TCEANC: variants seen among roughly 807,000 people sequenced by gnomAD.
The protein encoded by TCEANC is transcription elongation factor A N-terminal and central domain containing, also known as transcription elongation factor A N-terminal and central domain-containing protein.
Under a neutral mutation model 8.7 loss-of-function variants are expected in TCEANC, and 8 were observed. The ratio of observed to expected loss-of-function variants is 0.92; its 90% CI spans 0.54 to 1.65. The LOEUF (loss-of-function observed/expected upper bound fraction) is 1.65, where lower values mean the gene tolerates loss of function less well. Among genes scored for constraint, TCEANC ranks in the 40% most tolerant of loss-of-function variants. The pLI is 0.00. For synonymous variants in TCEANC, 78 were observed against 92.9 expected, an observed-to-expected ratio of 0.84 and a Z score of 0.92; for missense variants, 255 against 251.9, an observed-to-expected ratio of 1.01 and a Z score of -0.08.
intron 1 of TCEANC, among the ~76,000 whole-genome samples, chrX:13,655,995 G>A (rs1235448439): frequency 8.9e-6 from 1 of 112,634 alleles, no homozygotes; most frequent in East Asian, 2.8e-4. Context: ...AGGAAAATGA[G>A]GGAGTATCTT....
chrX:13,656,280 T>G (rs1195719640), intron 1 of TCEANC, among the ~76,000 whole-genome samples: 4 of 112,529 alleles, frequency 3.6e-5, no homozygotes, highest in Non-Finnish European at 5.6e-5. Context: ...AGAGACTGTC[T>G]CTTTAGGCTC....
At chrX:13,663,728 T>C in exon 2 of TCEANC, 1 of 487,579 alleles carries the variant, frequency 2.1e-6, no homozygotes, top group South Asian at 4.7e-5. Context: ...AAGTTACAGT[T>C]TGGGGAGAGG....
chrX:13,655,291 G>A (rs2045916904), upstream of TCEANC: 1 of 112,340 alleles, frequency 8.9e-6, no homozygotes, highest in Non-Finnish European at 1.9e-5. Flanking sequence ...TATTGCAGGA[G>A]TATTGTGAGG....
upstream of TCEANC, among the ~76,000 whole-genome samples, chrX:13,653,588 T>C (rs1424833433): frequency 8.9e-6 from 1 of 111,828 alleles, no homozygotes; most frequent in African/African-American, 3.3e-5. Flanking sequence ...CAGTAACCGC[T>C]ACACCGCTGC....
At chrX:13,663,335 C>G in exon 2 of TCEANC, 1 of 1,196,336 alleles carries the variant, frequency 8.4e-7, no homozygotes, top group Non-Finnish European at 1.1e-6. Context: ...TACACGGAAT[C>G]TTGTATCCAG....
At chrX:13,657,183 A>G (rs913717784) in intron 1 of TCEANC, among the ~76,000 whole-genome samples, 1 of 112,467 alleles carries the variant, frequency 8.9e-6, no homozygotes, top group African/African-American at 3.2e-5. Flanking sequence ...GACAAGTGAC[A>G]TAAAACATAT....
intron 1 of TCEANC, among the ~76,000 whole-genome samples, chrX:13,662,060 T>G (rs998299076): frequency 1.8e-5 from 2 of 112,126 alleles, no homozygotes; most frequent in Non-Finnish European, 3.8e-5. Context: ...AGTAGTTCAG[T>G]TATATAGCTG....
At chrX:13,661,003 C>T (rs966885268) in intron 1 of TCEANC, among the ~76,000 whole-genome samples, 28 bp from the exon 4 acceptor site, 2 of 111,195 alleles carry the variant, frequency 1.8e-5, no homozygotes, top group African/African-American at 6.6e-5. Flanking sequence ...CGCCACCACA[C>T]CCGGCTAATT....
At chrX:13,657,723 A>G (rs1462620720) in intron 1 of TCEANC, among the ~76,000 whole-genome samples, 2 of 107,953 alleles carry the variant, frequency 1.9e-5, no homozygotes, top group African/African-American at 6.8e-5. Context: ...CACGAGAATC[A>G]CTTGAACCCA....
chrX:13,661,885 G>A (rs139246856), intron 1 of TCEANC, among the ~76,000 whole-genome samples: 1,937 of 112,320 alleles, frequency 0.017, 38 homozygotes, highest in African/African-American at 0.058. Flanking sequence ...AGGCAGCACA[G>A]TGTAGCCTGT....
intron 1 of TCEANC, among the ~76,000 whole-genome samples, chrX:13,660,018 A>T (rs947266909): frequency 6.2e-5 from 7 of 112,025 alleles, no homozygotes; most frequent in Non-Finnish European, 1.1e-4. Flanking sequence ...TTCATTGCTC[A>T]TACCATTTTT....
exon 2 of TCEANC, chrX:13,663,756 T>C (rs1440762355): frequency 4.9e-6 from 2 of 404,686 alleles, no homozygotes; most frequent in Non-Finnish European, 8.4e-6. Flanking sequence ...TGACTATTTA[T>C]ATTGTGCCTT....
At chrX:13,664,126 C>T (rs919935063) in exon 2 of TCEANC, 4 of 123,324 alleles carry the variant, frequency 3.2e-5, no homozygotes, top group African/African-American at 1.3e-4. Context: ...TTGAGAACTA[C>T]TCAGAAATAG....
At chrX:13,664,401 T>A (rs765541957) in exon 2 of TCEANC, 1 of 123,438 alleles carries the variant, frequency 8.1e-6, no homozygotes, top group Non-Finnish European at 1.9e-5. Flanking sequence ...AGATCTTCAT[T>A]CTTTTCCCCT....
intron 1 of TCEANC, among the ~76,000 whole-genome samples, chrX:13,659,984 G>A (rs2045954876): frequency 9.0e-6 from 1 of 111,685 alleles, no homozygotes; most frequent in African/African-American, 3.3e-5. Context: ...CGTTCCAGAG[G>A]GGAGGTGGGT....
intron 1 of TCEANC, among the ~76,000 whole-genome samples, chrX:13,657,824 A>C (rs557290703): frequency 4.3e-3 from 440 of 102,534 alleles, no homozygotes; most frequent in Middle Eastern, 0.014. Flanking sequence ...AAAAAAAAAA[A>C]AAACACACAC....
chrX:13,659,975 G>A (rs945452590), intron 1 of TCEANC, among the ~76,000 whole-genome samples: 1 of 111,026 alleles, frequency 9.0e-6, no homozygotes, highest in African/African-American at 3.3e-5. Context: ...GTACATTCTC[G>A]TTCCAGAGGG....
At chrX:13,654,302 A>G (rs927396475), upstream of TCEANC, among the ~76,000 whole-genome samples, 2 of 112,841 alleles carry the variant, frequency 1.8e-5, no homozygotes, top group African/African-American at 6.4e-5. Context: ...AAAAGGGTCA[A>G]CAAACTATGG....
chrX:13,658,783 C>T (rs1322253948), intron 1 of TCEANC, among the ~76,000 whole-genome samples: 2 of 111,210 alleles, frequency 1.8e-5, no homozygotes, highest in Non-Finnish European at 3.8e-5. Context: ...AGTTAAGTAC[C>T]CTTACATAAC....
Sources: gnomAD v4.1 joint callset for allele counts (sites outside exome capture counted in the v4.1 genomes callset) on GRCh38, gnomAD v4.1.1 for gene constraint, MANE v1.5 for transcripts, NCBI Gene and HGNC (gene_info 2026-07-23, HGNC 2026-07-21) for gene names.